SEZ6: variants seen among roughly 807,000 people sequenced by gnomAD.
The protein encoded by SEZ6 is seizure related 6 homolog.
A neutral mutation model predicts 101.0 loss-of-function variants in SEZ6; 53 were observed. That is an observed-to-expected ratio of 0.52 (90% CI 0.42 to 0.66). The LOEUF (loss-of-function observed/expected upper bound fraction) is 0.66, where lower values mean the gene tolerates loss of function less well. Among genes scored for constraint, SEZ6 ranks in the 30% least tolerant of loss-of-function variants. The pLI is 0.00. For synonymous variants in SEZ6, 488 were observed against 512.2 expected (o/e 0.95, Z 0.64); for missense variants, 1,102 against 1,289.4 (o/e 0.85, Z 2.23).
chr17:28,972,791 T>G (rs1215895535), intron 3 of SEZ6, among the ~76,000 whole-genome samples: 2 of 152,154 alleles, frequency 1.3e-5, no homozygotes, highest in Non-Finnish European at 2.9e-5. Flanking sequence ...TAAGTGGCAC[T>G]GAATGCAGGC....
chr17:28,986,067 C>A (rs2041377979), intron 1 of SEZ6, among the ~76,000 whole-genome samples: 1 of 152,278 alleles, frequency 6.6e-6, no homozygotes, highest in South Asian at 2.1e-4. Flanking sequence ...CTGCCGCCCC[C>A]AGCCCTGGCA....
At position 28,961,050 on chromosome 17, in the gene SEZ6, C is replaced by T. The variant is rs531713455; in HGVS notation, c.1241-77G>A. On this transcript the variant is annotated intron_variant, in intron 5 of 16. Transcript: ENST00000317338. ...GCCTAACATGCCTTCCTCCCTATCC[C>T]AGCCCTATATCCTCTGCTTGGAGCA... 7 of 1,530,374 alleles carry T rather than the reference C, an allele frequency of 4.6e-6. No individual in the cohort carries two copies. The African/African-American group carries it at 9.5e-5, about 21-fold the overall frequency. The allele number at this position is 1,530,374 out of a possible 1,614,324, so 94.8% of individuals were successfully genotyped here.
At chr17:28,960,183 A>G (rs1057371048) in intron 7 of SEZ6, 2 of 572,422 alleles carry the variant, frequency 3.5e-6, no homozygotes, top group African/African-American at 1.9e-5. Context: ...CAATGCATGC[A>G]TGCATAAATG....
At chr17:28,990,722 C>T (rs1393574193) in intron 1 of SEZ6, among the ~76,000 whole-genome samples, 1 of 151,962 alleles carries the variant, frequency 6.6e-6, no homozygotes, top group Non-Finnish European at 1.5e-5. Flanking sequence ...ACCCATTCCC[C>T]ATCTCCCGGC....
chr17:28,994,778 T>C (rs1190574022), intron 1 of SEZ6, among the ~76,000 whole-genome samples: 1 of 151,996 alleles, frequency 6.6e-6, no homozygotes, highest in Non-Finnish European at 1.5e-5. Flanking sequence ...TTATCGGTGC[T>C]CAACCCTGGG....
Position 28,981,899 on chromosome 17 carries a change from GCT to G in SEZ6, c.194_195del (p.Lys65ThrfsTer9). On this transcript the variant is annotated frameshift_variant, in exon 2 of 17. Coordinates refer to ENST00000317338, the MANE Select transcript of SEZ6 (RefSeq NM_178860.5). LOFTEE classifies it high-confidence loss of function. ...TCAAGCAGCGGGTGGTGGTTGAGCA[GCT>G]TCAAGGTGGGGGCTGTTGTGACAAA... ...VHFVTTAPTL[K>X]LLNHHPLLEE... 1 of 1,613,946 alleles carries G rather than the reference GCT, an allele frequency of 6.2e-7. No individual in the cohort carries two copies. Among genetic ancestry groups the G allele is most frequent in the Non-Finnish European group, 8.5e-7 (1 of 1,179,892 alleles).
At chr17:28,965,871 G>A (rs990350371) in intron 4 of SEZ6, among the ~76,000 whole-genome samples, 1 of 152,216 alleles carries the variant, frequency 6.6e-6, no homozygotes, top group Non-Finnish European at 1.5e-5. Context: ...CGGTGCAGTG[G>A]CTCACGCCTG....
At chr17:28,999,099 AT>A (rs946430067) in intron 1 of SEZ6, among the ~76,000 whole-genome samples, 11 of 152,132 alleles carry the variant, frequency 7.2e-5, no homozygotes, top group Non-Finnish European at 1.5e-4. Context: ...TGAATGGAGA[AT>A]GGAAGGATGG....
intron 3 of SEZ6, among the ~76,000 whole-genome samples, chr17:28,977,527 G>GA (rs1032549307): frequency 6.6e-6 from 1 of 152,212 alleles, no homozygotes; most frequent in African/African-American, 2.4e-5. Context: ...TCTGATAAAA[G>GA]AAAAAAAATG....
In SEZ6 at chr17:28,954,968, A is replaced by G. The variant is rs969898969; in HGVS notation, c.*994T>C. The G allele has an allele frequency of 6.6e-6, 1 of 150,530 alleles. No individual in the cohort carries two copies. The highest frequency in any genetic ancestry group is 2.5e-5 in the African/African-American group (1 of 40,558). 9.3% of individuals were successfully genotyped at this position (150,530 alleles called of 1,614,324 possible). ...TTTTAATAAGGAAACAACAGAAATA[A>G]AAGATTGTTCTCTGGCTGGAGCCCA... On this transcript the variant is annotated 3_prime_UTR_variant, in exon 17 of 17. Coordinates refer to ENST00000317338, the MANE Select transcript of SEZ6 (RefSeq NM_178860.5).
chr17:28,994,414 T>C (rs539317127), intron 1 of SEZ6, among the ~76,000 whole-genome samples: 12 of 152,022 alleles, frequency 7.9e-5, no homozygotes, highest in African/African-American at 2.9e-4. Context: ...TAGGTGGGAG[T>C]ACAGGCGCCT....
chr17:28,983,987 T>C (rs928450687), intron 1 of SEZ6, among the ~76,000 whole-genome samples: 11 of 152,018 alleles, frequency 7.2e-5, no homozygotes, highest in African/African-American at 2.7e-4. Context: ...TGGGTACAGG[T>C]TGGAGGGCTC....
At chr17:28,981,250 C>T (rs886800846) in intron 2 of SEZ6, 121 bp downstream of exon 2, 46 of 1,436,680 alleles carry the variant, frequency 3.2e-5, no homozygotes, top group Non-Finnish European at 4.0e-5. Context: ...ATGCCTCCTG[C>T]AGGCTGGCCC....
At chr17:28,962,791 A>G (rs1174282683) in intron 5 of SEZ6, among the ~76,000 whole-genome samples, 1 of 151,072 alleles carries the variant, frequency 6.6e-6, no homozygotes, top group Non-Finnish European at 1.5e-5. Context: ...AAAAAAAAAA[A>G]AAAAAAAAGA....
intron 1 of SEZ6, among the ~76,000 whole-genome samples, chr17:28,986,243 G>A (rs192316932): frequency 6.6e-6 from 1 of 152,332 alleles, no homozygotes; most frequent in East Asian, 1.9e-4. Flanking sequence ...TCCCGCTCCC[G>A]CCTCCCTGCC....
chr17:28,963,854 G>C, intron 5 of SEZ6, 108 bp downstream of exon 5: 1 of 1,365,016 alleles, frequency 7.3e-7, no homozygotes, highest in Non-Finnish European at 1.0e-6. Flanking sequence ...CCATTTTCTG[G>C]CTTCCTTATG....
intron 1 of SEZ6, among the ~76,000 whole-genome samples, chr17:28,988,401 C>T (rs761080816): frequency 4.6e-5 from 7 of 152,226 alleles, no homozygotes; most frequent in Non-Finnish European, 8.8e-5. Flanking sequence ...GCTCAGGGCA[C>T]ACTGTTTCCA....
chr17:28,967,908 G>A (rs1398710688), intron 4 of SEZ6, among the ~76,000 whole-genome samples: 4 of 152,186 alleles, frequency 2.6e-5, no homozygotes, highest in Admixed American at 6.5e-5. Flanking sequence ...AATCTGTTGA[G>A]TTATTTTCTC....
At chr17:28,963,662 T>C (rs2041020247) in intron 5 of SEZ6, among the ~76,000 whole-genome samples, 1 of 152,226 alleles carries the variant, frequency 6.6e-6, no homozygotes, top group Non-Finnish European at 1.5e-5. Context: ...TTTTCATTGG[T>C]GCTTTTTACT....
Sources: allele counts gnomAD v4.1 joint callset (sites outside exome capture counted in the v4.1 genomes callset), GRCh38; gene constraint gnomAD v4.1.1; transcripts MANE v1.5; gene names NCBI Gene and HGNC (gene_info 2026-07-23, HGNC 2026-07-21).